The following SLC24A4 variants were observed in gnomAD, a reference collection of about 807,000 sequenced individuals.
SLC24A4 encodes solute carrier family 24 member 4.
SLC24A4 carries 53 observed loss-of-function variants against 79.0 expected under a neutral mutation model. The ratio of observed to expected loss-of-function variants is 0.67; its 90% confidence interval spans 0.54 to 0.84. SLC24A4 has a LOEUF of 0.84. SLC24A4 is among the 40% of genes least tolerant of loss of function. The pLI, the probability that SLC24A4 is intolerant of heterozygous loss-of-function variation, is 0.00. For synonymous variants in SLC24A4, 323 were observed against 323.8 expected, an observed-to-expected ratio of 1.00 and a Z score of 0.03; for missense variants, 731 against 822.0, an observed-to-expected ratio of 0.89 and a Z score of 1.35.
At chr14:92,447,464 G>A in intron 9 of SLC24A4, 40 bp downstream of exon 9, 1 of 1,573,978 alleles carries the variant, frequency 6.4e-7, no homozygotes, top group African/African-American at 1.3e-5. Flanking sequence ...CCGACGCCTT[G>A]CCCCACTGCC....
Position 92,490,117 on chromosome 14 carries a change from C to T in SLC24A4, c.1538-1548C>T, listed in dbSNP as rs892055000. Reference sequence around the variant, plus strand: ...TATGCAACATGGGCGGGCTGGCAGTCGAACAGAGATGGGCCACCTGTGTGG... The same window carrying T: ...TATGCAACATGGGCGGGCTGGCAGTTGAACAGAGATGGGCCACCTGTGTGG... On this transcript the variant is annotated intron_variant, in intron 14 of 16. Transcript: ENST00000532405. The surrounding 1 kb of genome is among the most constrained non-coding windows in gnomAD (Gnocchi z 4.3). 9.9e-5 allele frequency among the ~76,000 whole-genome samples: 15 copies of T among 152,158 alleles called. No individual in the cohort carries two copies. The highest frequency in any genetic ancestry group is 2.9e-4 in the African/African-American group (12 of 41,434).
rs1245353641 is a variant in SLC24A4 at position 92,323,198 on chromosome 14, GAA to G, written c.-631_-630del. The G allele has an allele frequency of 2.6e-5, 4 of 152,138 alleles. No individual in the cohort carries two copies. The highest frequency in any genetic ancestry group is 4.4e-5 in the Non-Finnish European group (3 of 68,072). 9.4% of individuals were successfully genotyped at this position (152,138 alleles called of 1,614,324 possible). On this transcript the variant is annotated 5_prime_UTR_variant, in exon 1 of 17. Transcript: ENST00000532405. This position sits in a 1 kb window ranked among gnomAD's most constrained non-coding sequence, Gnocchi z 4.9. ...GCGCCCGCAGCCGAGAAGCCAGAGA[GAA>G]AGTTCCCGGGGAGAGCTCGCCCCTG... is the stretch of plus-strand genomic sequence containing the variant.
chr14:92,355,437 A>G (rs1296004443), intron 2 of SLC24A4, among the ~76,000 whole-genome samples: 1 of 152,230 alleles, frequency 6.6e-6, no homozygotes, highest in Non-Finnish European at 1.5e-5. Context: ...GTAGACGCCA[A>G]GGCTAGAAGG....
chr14:92,435,118 C>G (rs2139793255), intron 3 of SLC24A4, among the ~76,000 whole-genome samples: 1 of 152,286 alleles, frequency 6.6e-6, no homozygotes, highest in Non-Finnish European at 1.5e-5. Flanking sequence ...CAAGCTATAA[C>G]CTCATTGTAA....
intron 2 of SLC24A4, among the ~76,000 whole-genome samples, chr14:92,337,571 C>T (rs1885885007): frequency 6.6e-6 from 1 of 152,218 alleles, no homozygotes; most frequent in African/African-American, 2.4e-5. Flanking sequence ...TGGAGCCAAA[C>T]TATCTGGTTT....
chr14:92,461,058 G>C (rs61977309), intron 12 of SLC24A4, among the ~76,000 whole-genome samples: 9 of 152,148 alleles, frequency 5.9e-5, no homozygotes, highest in Non-Finnish European at 1.2e-4. Context: ...TGCTGGCACC[G>C]CCCTGAAACG....
Position 92,495,458 on chromosome 14 carries a change from G to A in SLC24A4, c.*1830G>A, listed in dbSNP as rs1279081319. ...CGAGGGTGATTTTCCTAAGAAATCA[G>A]CAAAGAGGGAAGGCAGGGCCCCTGT... On this transcript the variant is annotated 3_prime_UTR_variant, in exon 17 of 17. Coordinates refer to ENST00000532405, the MANE Select transcript of SLC24A4 (RefSeq NM_153646.4). The A allele has an allele frequency of 6.6e-6, 1 of 152,150 alleles. No homozygotes were observed. Among genetic ancestry groups the A allele is most frequent in the Admixed American group, 6.5e-5 (1 of 15,272 alleles). 9.4% of individuals were successfully genotyped at this position (152,150 alleles called of 1,614,324 possible). A position where few individuals can be genotyped will look rare whatever the true frequency, so the allele number is the denominator to read the frequency against.
chr14:92,485,324 G>T (rs2139931316), intron 13 of SLC24A4, among the ~76,000 whole-genome samples: 1 of 152,206 alleles, frequency 6.6e-6, no homozygotes, highest in Non-Finnish European at 1.5e-5. Context: ...AATTAGCCAG[G>T]TGTGGTGGCA....
chr14:92,435,221 G>A (rs1271106216), intron 3 of SLC24A4, among the ~76,000 whole-genome samples: 1 of 152,200 alleles, frequency 6.6e-6, no homozygotes, highest in East Asian at 1.9e-4. Context: ...TGGAAGGGGG[G>A]TCAGGTAGTA....
chr14:92,419,229 C>T (rs894444059), intron 2 of SLC24A4, among the ~76,000 whole-genome samples: 21 of 152,164 alleles, frequency 1.4e-4, no homozygotes, highest in African/African-American at 4.6e-4. Context: ...GCTGGCAACC[C>T]GACCTGACCT....
chr14:92,337,859 T>C (rs1595132875), intron 2 of SLC24A4, among the ~76,000 whole-genome samples: 1 of 152,186 alleles, frequency 6.6e-6, no homozygotes, highest in Non-Finnish European at 1.5e-5. Flanking sequence ...AAGTTTTTTT[T>C]TGCAGCTGCA....
At chr14:92,486,633 T>C (rs1895374541) in intron 13 of SLC24A4, 33 bp from the exon 14 acceptor site, 1 of 1,370,750 alleles carries the variant, frequency 7.3e-7, no homozygotes, top group African/African-American at 1.4e-5. Context: ...CACTGTTGGT[T>C]GAGAGTTCAT....
At chr14:92,484,901 C>T in intron 13 of SLC24A4, 2 of 985,224 alleles carry the variant, frequency 2.0e-6, no homozygotes, top group Non-Finnish European at 2.4e-6. Context: ...AGTTTGGCCA[C>T]TGAGTAGTGT....
At chr14:92,370,688 C>A (rs1360357638) in intron 2 of SLC24A4, among the ~76,000 whole-genome samples, 1 of 152,040 alleles carries the variant, frequency 6.6e-6, no homozygotes, top group Admixed American at 6.5e-5. Context: ...CTAGAGGGGG[C>A]AGTCATAAAA....
intron 12 of SLC24A4, among the ~76,000 whole-genome samples, chr14:92,471,172 G>A (rs569086288): frequency 6.6e-6 from 1 of 152,160 alleles, no homozygotes; most frequent in Non-Finnish European, 1.5e-5. Flanking sequence ...TGAAGCTCTA[G>A]CATCAGTATC....
chr14:92,372,428 G>A lies in SLC24A4; in HGVS notation c.241+46450G>A, dbSNP rs144207762. 4.2e-3 allele frequency among the ~76,000 whole-genome samples: 640 copies of A among 152,268 alleles called. 3 individuals are homozygous for A. Among genetic ancestry groups the A allele is most frequent in the African/African-American group, 0.014 (576 of 41,546 alleles). ...CCTGAGCCTGACCCAGGAGAGAGGA[G>A]CATGCATGAGTGGTCCCTGGGCTGG... On this transcript the variant is annotated intron_variant, in intron 2 of 16. Transcript: ENST00000532405.
At chr14:92,392,970 G>A (rs1286227151) in intron 2 of SLC24A4, among the ~76,000 whole-genome samples, 10 of 146,608 alleles carry the variant, frequency 6.8e-5, no homozygotes, top group African/African-American at 2.6e-4. Context: ...ATCTATGAGG[G>A]ACACCTGTTC....
intron 7 of SLC24A4, among the ~76,000 whole-genome samples, chr14:92,443,999 A>T (rs1892648685): frequency 6.6e-6 from 1 of 151,788 alleles, no homozygotes; most frequent in Non-Finnish European, 1.5e-5. Flanking sequence ...CTTGGGAGTG[A>T]TACCTGCCGT....
Position 92,463,047 on chromosome 14 carries a change from T to C in SLC24A4, c.1255+6439T>C, listed in dbSNP as rs1205892784. 6.6e-5 allele frequency among the ~76,000 whole-genome samples: 10 copies of C among 152,300 alleles called. 1 individual carries two copies. In the South Asian group the frequency reaches 1.9e-3, roughly 28 times the overall value. Reference sequence around the variant, plus strand: ...TGTGTGTTGAGTAAACTGTGTTGAATTGGGTTGAATTAAGGGCCTTTGGAA... The same window carrying C: ...TGTGTGTTGAGTAAACTGTGTTGAACTGGGTTGAATTAAGGGCCTTTGGAA... On this transcript the variant is annotated intron_variant, in intron 12 of 16. Transcript: ENST00000532405.
Sources: gnomAD v4.1 joint callset for allele counts (sites outside exome capture counted in the v4.1 genomes callset) on GRCh38, gnomAD v4.1.1 for gene constraint, Gnocchi (gnomAD v3.1) non-coding constraint, MANE v1.5 for transcripts, NCBI Gene and HGNC (gene_info 2026-07-23, HGNC 2026-07-21) for gene names.